The following UBAP1L variants were observed in gnomAD, a reference collection of about 807,000 sequenced individuals.
UBAP1L encodes the protein ubiquitin-associated protein 1-like.
In UBAP1L, 32 loss-of-function variants were observed where a neutral mutation model predicts 32.1. That is an observed-to-expected ratio of 1.00 (90% CI 0.75 to 1.34). The LOEUF (loss-of-function observed/expected upper bound fraction) is 1.34, where lower values mean the gene tolerates loss of function less well. UBAP1L is among the 40% of genes most tolerant of loss of function. UBAP1L has a pLI of 0.00. For missense variants in UBAP1L, 516 were observed against 540.5 expected, an observed-to-expected ratio of 0.95 and a Z score of 0.45; for synonymous variants, 243 against 250.2, an observed-to-expected ratio of 0.97 and a Z score of 0.27.
chr15:65,104,245 C>G (rs28493788), intron 2 of UBAP1L, among the ~76,000 whole-genome samples: 12 of 149,358 alleles, frequency 8.0e-5, no homozygotes, highest in Admixed American at 7.4e-4. Flanking sequence ...CAAAGCGAGA[C>G]TCTGTCGAAA....
chr15:65,106,871 C>A (rs55781238), intron 1 of UBAP1L, among the ~76,000 whole-genome samples: 1 of 152,166 alleles, frequency 6.6e-6, no homozygotes, highest in African/African-American at 2.4e-5. Context: ...AAACTCCCGG[C>A]CTTAGGTGAT....
At chr15:65,099,160 T>A in intron 4 of UBAP1L, 32 of 268,122 alleles carry the variant, frequency 1.2e-4, no homozygotes, top group Admixed American at 2.4e-4. Context: ...TCTGTGATGT[T>A]CCATCCACAC....
At chr15:65,107,462 G>T (rs2140568945) in intron 1 of UBAP1L, among the ~76,000 whole-genome samples, 1 of 152,132 alleles carries the variant, frequency 6.6e-6, no homozygotes, top group East Asian at 1.9e-4. Flanking sequence ...CAGGTGCAGT[G>T]GCTCACACCT....
chr15:65,102,817 G>T lies in UBAP1L; in HGVS notation c.121-133C>A. 1 of 824,060 alleles carries T rather than the reference G, an allele frequency of 1.2e-6. No homozygotes were observed. Among genetic ancestry groups the T allele is most frequent in the Non-Finnish European group, 1.8e-6 (1 of 556,078 alleles). 51.0% of individuals were successfully genotyped at this position (824,060 alleles called of 1,614,324 possible). ...GACAGCGTCAGATTCTGAGCCCCGG[G>T]CTTCCATCACAGCCCACTCTACCCT... On this transcript the variant is annotated intron_variant, in intron 2 of 5. Transcript: ENST00000559089. The surrounding 1 kb of genome is among the most constrained non-coding windows in gnomAD (Gnocchi z 5.0).
intron 3 of UBAP1L, chr15:65,101,619 A>C (rs1278130278): frequency 2.0e-5 from 3 of 152,374 alleles, no homozygotes; most frequent in Admixed American, 6.5e-5. Flanking sequence ...TGTGCATTGA[A>C]TATTCCTTGA....
In UBAP1L at chr15:65,102,313, C is replaced by T; in HGVS notation, c.492G>A (p.Glu164=). 1 of 1,436,314 alleles carries T rather than the reference C, an allele frequency of 7.0e-7. No homozygotes were observed. Among genetic ancestry groups the T allele is most frequent in the Non-Finnish European group, 9.1e-7 (1 of 1,102,472 alleles). The allele number at this position is 1,436,314 out of a possible 1,614,324, so 89.0% of individuals were successfully genotyped here. The change falls in exon 3 of 6, where the codon GAG becomes GAA. Residue 164 remains glutamate (E), a synonymous_variant. Transcript: ENST00000559089. The surrounding 1 kb of genome is among the most constrained non-coding windows in gnomAD (Gnocchi z 5.0). ...CGCGGGGCCGGGAGACCAGCTTCCC[C>T]TCGGAGAGCCGCCGCCGCGCCCCTG... ...ELAGARRRLS[E]GKLVSRPRAL...
At chr15:65,099,773 T>C (rs2087219883) in intron 3 of UBAP1L, 59 bp from the exon 4 acceptor site, 48 of 1,446,558 alleles carry the variant, frequency 3.3e-5, no homozygotes, top group Non-Finnish European at 4.4e-5. Context: ...TCAGTTGGGC[T>C]GGACATTTTT....
At chr15:65,112,110 C>T (rs925478501) in intron 1 of UBAP1L, among the ~76,000 whole-genome samples, 1 of 152,052 alleles carries the variant, frequency 6.6e-6, no homozygotes, top group African/African-American at 2.4e-5. Flanking sequence ...GTGGTCTAGT[C>T]CTTATGGGCA....
At chr15:65,104,382 TGGAGACAAAAACA>T (rs2140566266) in intron 2 of UBAP1L, among the ~76,000 whole-genome samples, 2 of 151,944 alleles carry the variant, frequency 1.3e-5, no homozygotes, top group East Asian at 3.9e-4. Flanking sequence ...CCAGAAACTC[TGGAGACAAAAACA>T]TAAATAAGGA....
chr15:65,102,051 T>G lies in UBAP1L; in HGVS notation c.699+55A>C. 3.6e-6 allele frequency: 3 copies of G among 841,648 alleles called. No individual in the cohort carries two copies. Among genetic ancestry groups the G allele is most frequent in the Non-Finnish European group, 4.7e-6 (3 of 640,318 alleles). 52.1% of individuals were successfully genotyped at this position (841,648 alleles called of 1,614,324 possible). ...CTGCGGGCTGGGCTGGACACCCAGA[T>G]TATGGGGCCTGGGCTGCTGATTGGC... is the stretch of plus-strand genomic sequence containing the variant. On this transcript the variant is annotated intron_variant, in intron 3 of 5. Transcript: ENST00000559089. This position sits in a 1 kb window ranked among gnomAD's most constrained non-coding sequence, Gnocchi z 5.0.
At chr15:65,104,071 G>A (rs1029912000) in intron 2 of UBAP1L, among the ~76,000 whole-genome samples, 5 of 152,134 alleles carry the variant, frequency 3.3e-5, no homozygotes, top group East Asian at 1.9e-4. Flanking sequence ...GGCCAACATG[G>A]CGAAACCCCA....
intron 1 of UBAP1L, among the ~76,000 whole-genome samples, chr15:65,110,944 T>C (rs2087365934): frequency 6.6e-6 from 1 of 152,058 alleles, no homozygotes; most frequent in African/African-American, 2.4e-5. Flanking sequence ...CATGAGAGCA[T>C]CATGTGGAGA....
chr15:65,094,250 G>A lies in UBAP1L; in HGVS notation c.1011+225C>T, dbSNP rs1313727738. Among the ~76,000 whole-genome samples the A allele has an allele frequency of 1.3e-5, 2 of 152,072 alleles. No homozygotes were observed. Among genetic ancestry groups the A allele is most frequent in the Middle Eastern group, 3.2e-3 (1 of 316 alleles). On this transcript the variant is annotated intron_variant, in intron 5 of 5. Coordinates refer to ENST00000559089, the MANE Select transcript of UBAP1L (RefSeq NM_001163692.2). The surrounding 1 kb of genome is among the most constrained non-coding windows in gnomAD (Gnocchi z 4.2). ...CTGCTGCTCTCTGCCTCCTGTCCCC[G>A]TCCCACCTCTTCCTGATCTCCCTCT... is the stretch of plus-strand genomic sequence containing the variant.
chr15:65,105,575 A>G (rs749080695), intron 2 of UBAP1L: 11 of 582,062 alleles, frequency 1.9e-5, no homozygotes, highest in Non-Finnish European at 3.6e-5. Context: ...CCATAAAATC[A>G]TGCAAATCAA....
chr15:65,105,157 C>T (rs184707076), intron 2 of UBAP1L, among the ~76,000 whole-genome samples: 5 of 150,298 alleles, frequency 3.3e-5, no homozygotes, highest in Non-Finnish European at 7.4e-5. Context: ...CCAGCCTGGG[C>T]GACAGAGTGA....
At chr15:65,108,243 TA>T (rs2140569467) in intron 1 of UBAP1L, among the ~76,000 whole-genome samples, 1 of 152,126 alleles carries the variant, frequency 6.6e-6, no homozygotes, top group Non-Finnish European at 1.5e-5. Context: ...GAAAGTCTTT[TA>T]AATAAATTGT....
rs778324704 is a variant in UBAP1L at position 65,106,194 on chromosome 15, G to A, written c.22C>T (p.Pro8Ser). The change falls in exon 2 of 6, where the codon CCT (proline) becomes TCT (serine). Residue 8 changes from proline (P) to serine (S), a missense_variant. Physicochemically the swap from Pro to Ser is moderately conservative, Grantham distance 74 (BLOSUM62 -1). Coordinates refer to ENST00000559089, the MANE Select transcript of UBAP1L (RefSeq NM_001163692.2). The stretch of plus-strand genomic sequence containing the variant: ...ACAAAGCCCTTGGGCAACTTGAAAG[G>A]AACACCATCGAGGGCATTCATTCTG... MNALDGV[P>S]FKLPKGFVIG... 3.9e-6 allele frequency: 6 copies of A among 1,548,142 alleles called. No individual in the cohort carries two copies. The South Asian group carries it at 7.2e-5, about 19-fold the overall frequency.
At chr15:65,110,316 G>A (rs1196740365) in intron 1 of UBAP1L, among the ~76,000 whole-genome samples, 2 of 150,982 alleles carry the variant, frequency 1.3e-5, no homozygotes, top group Non-Finnish European at 3.0e-5. Context: ...CTGAAATCGC[G>A]CGACTGCACT....
intron 3 of UBAP1L, chr15:65,099,954 A>C: frequency 9.9e-6 from 4 of 403,526 alleles, no homozygotes; most frequent in Non-Finnish European, 1.8e-5. Flanking sequence ...AAATAAGACA[A>C]TGTGAGGGAC....
Sources: gnomAD v4.1 joint callset for allele counts (sites outside exome capture counted in the v4.1 genomes callset) on GRCh38, gnomAD v4.1.1 for gene constraint, Gnocchi (gnomAD v3.1) non-coding constraint, MANE v1.5 for transcripts, NCBI Gene and HGNC (gene_info 2026-07-23, HGNC 2026-07-21) for gene names.